The following MYBL2 variants were observed in gnomAD, a reference collection of about 807,000 sequenced individuals.
MYBL2 encodes the protein MYB proto-oncogene like 2.
A neutral mutation model predicts 79.9 loss-of-function variants in MYBL2; 28 were observed. That is an observed-to-expected ratio of 0.35 (90% confidence interval 0.26 to 0.48). The LOEUF (loss-of-function observed/expected upper bound fraction) is 0.48. MYBL2 is among the 20% of genes least tolerant of loss of function. MYBL2 has a pLI of 0.99. For missense variants in MYBL2, 735 were observed against 893.9 expected (o/e 0.82, Z 2.27); for synonymous variants, 378 against 361.2 (o/e 1.05, Z -0.53).
At chr20:43,669,170 G>A (rs541712957) in intron 1 of MYBL2, among the ~76,000 whole-genome samples, 4 of 152,122 alleles carry the variant, frequency 2.6e-5, no homozygotes, top group East Asian at 1.9e-4. Context: ...GGAAGGGGGC[G>A]GGAGTGGCCT....
Position 43,677,337 on chromosome 20 carries a change from G to T in MYBL2, c.114+3438G>T, listed in dbSNP as rs558952776. On this transcript the variant is annotated intron_variant, in intron 2 of 13. Transcript: ENST00000217026. ...TTGGTGCTCACTGTTGTAGCTCTGG[G>T]CACCTGCTAATTGTAAGATGAGTGG... Among the ~76,000 whole-genome samples, 9 of 152,312 alleles carry T rather than the reference G, an allele frequency of 5.9e-5. No homozygotes were observed. In the East Asian group the frequency reaches 1.7e-3, roughly 29 times the overall value.
At chr20:43,676,797 C>T (rs1987019801) in intron 2 of MYBL2, among the ~76,000 whole-genome samples, 1 of 150,898 alleles carries the variant, frequency 6.6e-6, no homozygotes, top group South Asian at 2.1e-4. Flanking sequence ...TTCTTAGTGT[C>T]TTCAGTTCTT....
At chr20:43,691,823 T>C (rs1023317121) in intron 5 of MYBL2, among the ~76,000 whole-genome samples, 2 of 151,840 alleles carry the variant, frequency 1.3e-5, no homozygotes, top group African/African-American at 2.4e-5. Flanking sequence ...ACAGGTGTGG[T>C]GAGCCACCGC....
intron 6 of MYBL2, among the ~76,000 whole-genome samples, chr20:43,694,161 T>C (rs2145722794): frequency 6.6e-6 from 1 of 151,646 alleles, no homozygotes; most frequent in Middle Eastern, 3.4e-3. Flanking sequence ...TGAAACCCCG[T>C]CTCTACTAAA....
At chr20:43,701,777 T>C (rs1987678898) in intron 7 of MYBL2, among the ~76,000 whole-genome samples, 1 of 152,170 alleles carries the variant, frequency 6.6e-6, no homozygotes, top group Non-Finnish European at 1.5e-5. Flanking sequence ...TCCCAGCACT[T>C]TGGGAGGCTG....
At chr20:43,691,663 C>T (rs1233220821) in intron 5 of MYBL2, among the ~76,000 whole-genome samples, 1 of 151,898 alleles carries the variant, frequency 6.6e-6, no homozygotes. Flanking sequence ...CCTCAGACTC[C>T]CAAGTAGCTG....
chr20:43,691,384 C>T (rs1333078552), intron 5 of MYBL2, among the ~76,000 whole-genome samples: 2 of 151,864 alleles, frequency 1.3e-5, no homozygotes, highest in Admixed American at 1.3e-4. Flanking sequence ...TGCAGTGGCG[C>T]AATCTCGGCT....
rs772352012 is a variant in MYBL2 at position 43,710,025 on chromosome 20, A to G, written c.1568A>G (p.Lys523Arg). Reference sequence around the variant, plus strand: ...ACTCCCCACACGCCAACCCCGTTCAAGAACGCCCTGGAGAAGTACGGACCC... The same window carrying G: ...ACTCCCCACACGCCAACCCCGTTCAGGAACGCCCTGGAGAAGTACGGACCC... ...DNTPHTPTPF[K>R]NALEKYGPLK... The change falls in exon 10 of 14, where the codon AAG (lysine) becomes AGG (arginine). Residue 523 changes from lysine (K) to arginine (R), a missense_variant. Lys to Arg is a conservative substitution (Grantham distance 26). Around this residue, in one of 5 missense-constraint regions of MYBL2, gnomAD observed 243 missense variants for 327.2 expected, o/e 0.74. Coordinates refer to ENST00000217026, the MANE Select transcript of MYBL2 (RefSeq NM_002466.4). 7 of 1,610,172 alleles carry G rather than the reference A, an allele frequency of 4.3e-6. No homozygotes were observed. The Admixed American group carries it at 1.0e-4, about 23-fold the overall frequency.
At chr20:43,708,349 C>T (rs1297552733) in intron 9 of MYBL2, among the ~76,000 whole-genome samples, 1 of 152,186 alleles carries the variant, frequency 6.6e-6, no homozygotes, top group African/African-American at 2.4e-5. Flanking sequence ...ATCCTTCCGC[C>T]TCAGCCTCCT....
chr20:43,685,124 G>A (rs1444064809), intron 4 of MYBL2, among the ~76,000 whole-genome samples: 2 of 144,978 alleles, frequency 1.4e-5, no homozygotes, highest in African/African-American at 5.1e-5. Context: ...TCCAGCCTGG[G>A]CAGCAGGAGC....
intron 6 of MYBL2, among the ~76,000 whole-genome samples, chr20:43,693,662 T>G (rs925095102): frequency 3.3e-5 from 5 of 152,166 alleles, no homozygotes; most frequent in African/African-American, 1.2e-4. Context: ...AAAAATGAAA[T>G]CAGTATATAC....
Position 43,716,383 on chromosome 20 carries a change from A to C in MYBL2, c.*296A>C. 2.3e-6 allele frequency: 1 copy of C among 430,930 alleles called. No individual in the cohort carries two copies. Among genetic ancestry groups the C allele is most frequent in the Non-Finnish European group, 4.1e-6 (1 of 241,974 alleles). The allele number at this position is 430,930 out of a possible 1,614,324, so 26.7% of individuals were successfully genotyped here. A position where few individuals can be genotyped will look rare whatever the true frequency, so the allele number is the denominator to read the frequency against. Reference sequence around the variant, plus strand: ...CCAAGCCCACGTCAGGCCTGGCCTCATCTCAGACCCTGCTTAGGATGGGGG... The same window carrying C: ...CCAAGCCCACGTCAGGCCTGGCCTCCTCTCAGACCCTGCTTAGGATGGGGG... On this transcript the variant is annotated 3_prime_UTR_variant, in exon 14 of 14. Coordinates refer to ENST00000217026, the MANE Select transcript of MYBL2 (RefSeq NM_002466.4).
chr20:43,667,953 G>A (rs1040504111), intron 1 of MYBL2, among the ~76,000 whole-genome samples: 1 of 152,104 alleles, frequency 6.6e-6, no homozygotes, highest in Non-Finnish European at 1.5e-5. Flanking sequence ...TGAAGGTGCG[G>A]GGGAGAGAGA....
intron 9 of MYBL2, among the ~76,000 whole-genome samples, chr20:43,708,125 C>T (rs1987830631): frequency 6.6e-6 from 1 of 152,108 alleles, no homozygotes; most frequent in African/African-American, 2.4e-5. Flanking sequence ...CTTTTTGAGA[C>T]AGTCTTGCTC....
rs1387345041 is a variant in MYBL2, at chr20:43,682,906, C to G, written c.279+20C>G. On this transcript the variant is annotated intron_variant, in intron 4 of 13. Coordinates refer to ENST00000217026, the MANE Select transcript of MYBL2 (RefSeq NM_002466.4). ...CAAAAAGTAACTGCTGGGACAGTGCCTTGCACACAGTGGGTCTTCACCCAC... is the reference window on the plus strand; with the variant it reads ...CAAAAAGTAACTGCTGGGACAGTGCGTTGCACACAGTGGGTCTTCACCCAC... The G allele has an allele frequency of 1.4e-5, 22 of 1,607,024 alleles. No individual in the cohort carries two copies. The highest frequency in any genetic ancestry group is 1.7e-5 in the Non-Finnish European group (20 of 1,173,990).
At chr20:43,673,401 C>T (rs1986914203) in intron 1 of MYBL2, among the ~76,000 whole-genome samples, 1 of 151,698 alleles carries the variant, frequency 6.6e-6, no homozygotes, top group South Asian at 2.1e-4. Flanking sequence ...CTTTGGGAGG[C>T]CGTGGTGGGA....
chr20:43,684,190 G>T (rs1440377683), intron 4 of MYBL2, among the ~76,000 whole-genome samples: 1 of 151,062 alleles, frequency 6.6e-6, no homozygotes, highest in Non-Finnish European at 1.5e-5. Flanking sequence ...GCCTCTCAAA[G>T]TGCTGGGATT....
chr20:43,698,809 C>T lies in MYBL2; in HGVS notation c.664-948C>T, dbSNP rs181455983. ...TGAGCTTTTCAGAGTTCTGGGATTA[C>T]AGGTGTGAGCCGCCACACCCAGCCC... On this transcript the variant is annotated intron_variant, in intron 6 of 13. Transcript: ENST00000217026. 3.0e-3 allele frequency among the ~76,000 whole-genome samples: 450 copies of T among 150,258 alleles called. 5 individuals are homozygous for T. The highest frequency in any genetic ancestry group is 0.02 in the Admixed American group (307 of 14,990).
chr20:43,684,319 C>G (rs1316428611), intron 4 of MYBL2, among the ~76,000 whole-genome samples: 3 of 151,668 alleles, frequency 2.0e-5, no homozygotes, highest in African/African-American at 7.3e-5. Context: ...CTTACTGCAA[C>G]CTTCGCCTCC....
Sources: gnomAD v4.1 joint callset for allele counts (sites outside exome capture counted in the v4.1 genomes callset) on GRCh38, gnomAD v4.1.1 for gene constraint, gnomAD v4.1.1 regional missense constraint, MANE v1.5 for transcripts, NCBI Gene and HGNC (gene_info 2026-07-23, HGNC 2026-07-21) for gene names.